The following AFF2 variants were observed in gnomAD, a reference collection of about 807,000 sequenced individuals.
AFF2 encodes AF4/FMR2 family member 2.
Under a neutral mutation model 76.9 loss-of-function variants are expected in AFF2, and 14 were observed. That is an observed-to-expected ratio of 0.18 (90% confidence interval 0.12 to 0.28). The LOEUF is 0.28. Ranked by LOEUF, AFF2 falls within the 10% of genes least tolerant of loss-of-function variation. AFF2 has a pLI of 1.00. For missense variants in AFF2, 868 were observed against 1,001.1 expected (o/e 0.87, Z 1.79); for synonymous variants, 398 against 366.7 (o/e 1.09, Z -0.98).
intron 3 of AFF2, among the ~76,000 whole-genome samples, chrX:148,773,737 A>AGAAAGAAAGAAG (rs1569555328): frequency 3.7e-5 from 4 of 107,773 alleles, no homozygotes; most frequent in African/African-American, 1.4e-4. Context: ...AAAGAAAGAA[A>AGAAAGAAAGAAG]GAAAGAAAGA....
In AFF2 at chrX:148,994,401, C is replaced by T. The variant is rs1328703212; in HGVS notation, c.*3069C>T. The T allele has an allele frequency of 8.9e-6, 1 of 112,355 alleles. No individual in the cohort carries two copies. Among genetic ancestry groups the T allele is most frequent in the African/African-American group, 3.2e-5 (1 of 30,836 alleles). The allele number at this position is 112,355 out of a possible 1,213,427, so 9.3% of individuals were successfully genotyped here. On this transcript the variant is annotated 3_prime_UTR_variant, in exon 21 of 21. Transcript: ENST00000370460. ...GTGTGGTCCTCCGGGTAGAATTTAG[C>T]TGTAAGCATGTTGTTAGCCAGCCTG...
intron 18 of AFF2, 152 bp from the exon 19 acceptor site, chrX:148,980,586 G>C (rs1371176643): frequency 6.0e-6 from 2 of 331,897 alleles, no homozygotes; most frequent in Non-Finnish European, 1.1e-5. Flanking sequence ...TGTGCGTCGT[G>C]GTGTGCTGAC....
intron 3 of AFF2, among the ~76,000 whole-genome samples, chrX:148,777,011 C>A (rs2069676257): frequency 8.9e-6 from 1 of 112,015 alleles, no homozygotes; most frequent in Non-Finnish European, 1.9e-5. Flanking sequence ...AATCTTTAAT[C>A]CATCTTGAGT....
chrX:148,626,473 G>T (rs1023002574), intron 1 of AFF2, among the ~76,000 whole-genome samples: 18 of 110,936 alleles, frequency 1.6e-4, no homozygotes, highest in Admixed American at 1.1e-3. Context: ...GGATTTCTGA[G>T]ATGAAAGGGG....
chrX:148,859,571 A>G (rs1371473756), intron 7 of AFF2, among the ~76,000 whole-genome samples: 9 of 110,813 alleles, frequency 8.1e-5, no homozygotes, highest in African/African-American at 2.3e-4. Flanking sequence ...GTTTCTATAA[A>G]CAAATGGAAT....
chrX:148,745,954 G>T (rs1303860700), intron 3 of AFF2, among the ~76,000 whole-genome samples: 1 of 110,689 alleles, frequency 9.0e-6, no homozygotes, highest in African/African-American at 3.3e-5. Flanking sequence ...TGTTGGCCAG[G>T]CTGGTCTTGA....
At chrX:148,710,638 A>G (rs1603284205) in intron 3 of AFF2, among the ~76,000 whole-genome samples, 2 of 112,351 alleles carry the variant, frequency 1.8e-5, no homozygotes, top group East Asian at 5.6e-4. Context: ...CAAAAAGTCT[A>G]ATATAAAACA....
At chrX:148,648,581 A>G (rs989040929) in intron 1 of AFF2, among the ~76,000 whole-genome samples, 5 of 107,805 alleles carry the variant, frequency 4.6e-5, no homozygotes, top group African/African-American at 6.7e-5. Context: ...AAAAAAAAAA[A>G]AAAAGAAAAG....
intron 1 of AFF2, among the ~76,000 whole-genome samples, chrX:148,581,576 A>C (rs200465450): frequency 0.04 from 1,364 of 34,455 alleles, 259 homozygotes; most frequent in South Asian, 0.24. Flanking sequence ...ACGTATACGT[A>C]TACGTGTACA....
At chrX:148,708,255 A>G (rs1384762929) in intron 3 of AFF2, among the ~76,000 whole-genome samples, 1 of 112,127 alleles carries the variant, frequency 8.9e-6, no homozygotes, top group African/African-American at 3.2e-5. Context: ...TTCTAGAGAT[A>G]TTGAAAACAT....
At chrX:148,947,281 A>T (rs1484400279) in intron 9 of AFF2, among the ~76,000 whole-genome samples, 1 of 112,047 alleles carries the variant, frequency 8.9e-6, no homozygotes, top group Non-Finnish European at 1.9e-5. Flanking sequence ...ATAGCATCAG[A>T]GAATTAGCAG....
At chrX:148,762,409 G>GTATATATA (rs372864201) in intron 3 of AFF2, among the ~76,000 whole-genome samples, 3 of 86,671 alleles carry the variant, frequency 3.5e-5, no homozygotes, top group African/African-American at 2.3e-4. Context: ...GTATTCTATG[G>GTATATATA]TATATATATA....
intron 7 of AFF2, among the ~76,000 whole-genome samples, chrX:148,851,209 C>T (rs782531671): frequency 8.0e-5 from 9 of 111,816 alleles, no homozygotes; most frequent in East Asian, 5.6e-4. Context: ...TTTACACTGA[C>T]GAGTAGGGAG....
intron 1 of AFF2, among the ~76,000 whole-genome samples, chrX:148,598,445 C>G: frequency 8.9e-6 from 1 of 111,939 alleles, no homozygotes; most frequent in Non-Finnish European, 1.9e-5. Context: ...GACCAATATC[C>G]TTCCTGTGCC....
chrX:148,943,164 AT>A (rs1364546964), intron 9 of AFF2, among the ~76,000 whole-genome samples: 1 of 112,159 alleles, frequency 8.9e-6, no homozygotes, highest in East Asian at 2.8e-4. Flanking sequence ...AGATACAGCA[AT>A]TTTGCAAGTT....
Position 148,662,100 on chromosome X carries a change from C to T in AFF2, c.373C>T (p.Pro125Ser). ...AGAACAAAAGAACAGAATAATTCCA[C>T]CTCACCAGGATAATACCCATCCTTC... Reference protein sequence around the residue: ...FPEQKNRIIPPHQDNTHPSAP... With the variant: ...FPEQKNRIIPSHQDNTHPSAP... Residue 125 changes from proline (P) to serine (S), a missense_variant, in exon 3 of 21, where the codon CCT (proline) becomes TCT (serine). Coordinates refer to ENST00000370460, the MANE Select transcript of AFF2 (RefSeq NM_002025.4). The T allele has an allele frequency of 8.3e-7, 1 of 1,208,856 alleles. No individual in the cohort carries two copies. The highest frequency in any genetic ancestry group is 1.1e-6 in the Non-Finnish European group (1 of 892,798).
chrX:148,634,621 A>T (rs2054011744), intron 1 of AFF2, among the ~76,000 whole-genome samples: 1 of 111,914 alleles, frequency 8.9e-6, no homozygotes, highest in Non-Finnish European at 1.9e-5. Flanking sequence ...TCTCTCAAAC[A>T]TCTAGTGTCT....
chrX:148,509,357 A>G (rs2052458136), intron 1 of AFF2, among the ~76,000 whole-genome samples: 1 of 111,490 alleles, frequency 9.0e-6, no homozygotes, highest in Non-Finnish European at 1.9e-5. Context: ...AATACTCAAC[A>G]TAAGACAATT....
intron 19 of AFF2, among the ~76,000 whole-genome samples, chrX:148,983,468 C>A (rs1557291080): frequency 8.9e-6 from 1 of 111,967 alleles, no homozygotes; most frequent in Non-Finnish European, 1.9e-5. Context: ...AAGCCCTGAA[C>A]TATGCTTGGC....
Sources: allele counts gnomAD v4.1 joint callset (sites outside exome capture counted in the v4.1 genomes callset), GRCh38; gene constraint gnomAD v4.1.1; transcripts MANE v1.5; gene names NCBI Gene and HGNC (gene_info 2026-07-23, HGNC 2026-07-21).